Variants in DCBLD2 observed in about 807,000 individuals in gnomAD.
DCBLD2 encodes discoidin, CUB and LCCL domain-containing protein 2.
Under a neutral mutation model 86.8 loss-of-function variants are expected in DCBLD2, and 54 were observed. The ratio of observed to expected loss-of-function variants is 0.62; its 90% CI spans 0.50 to 0.78. DCBLD2 has a LOEUF of 0.78. Ranked by LOEUF, DCBLD2 falls within the 30% of genes least tolerant of loss-of-function variation. DCBLD2 has a pLI of 0.00. For synonymous variants in DCBLD2, 354 were observed against 341.3 expected (o/e 1.04, Z -0.41); for missense variants, 908 against 954.2 (o/e 0.95, Z 0.64).
intron 13 of DCBLD2, among the ~76,000 whole-genome samples, chr3:98,805,488 G>T (rs956510310): frequency 6.6e-6 from 1 of 152,176 alleles, no homozygotes; most frequent in African/African-American, 2.4e-5. Context: ...ACACATAAGT[G>T]ACAAAGCTTC....
Position 98,838,538 on chromosome 3 carries a change from G to T in DCBLD2, c.571+10923C>A, listed in dbSNP as rs1942532230. 4.0e-5 allele frequency among the ~76,000 whole-genome samples: 6 copies of T among 148,316 alleles called. No individual in the cohort carries two copies. In the South Asian group the frequency reaches 1.1e-3, roughly 27 times the overall value. On this transcript the variant is annotated intron_variant, in intron 3 of 15. Transcript: ENST00000326840. The stretch of plus-strand genomic sequence containing the variant: ...ACTTCCTAGATGGGATGGCGGCCGG[G>T]CGGAGACGCTCCTCACTTTCCAGAC...
At chr3:98,822,627 G>C (rs1231320974) in intron 5 of DCBLD2, 42 bp downstream of exon 5, 2 of 1,511,124 alleles carry the variant, frequency 1.3e-6, no homozygotes, top group African/African-American at 2.8e-5. Flanking sequence ...TAAAAAAATA[G>C]AGTTATATCA....
intron 12 of DCBLD2, among the ~76,000 whole-genome samples, 160 bp from the exon 13 acceptor site, chr3:98,808,334 A>G (rs980694281): frequency 3.3e-5 from 5 of 152,234 alleles, no homozygotes; most frequent in African/African-American, 1.2e-4. Flanking sequence ...TGGTAACTGT[A>G]GAAGCTTTTG....
At chr3:98,808,913 A>T (rs559373628) in intron 12 of DCBLD2, among the ~76,000 whole-genome samples, 65 of 152,338 alleles carry the variant, frequency 4.3e-4, no homozygotes, top group Admixed American at 7.2e-4. Flanking sequence ...AAAAATTGGA[A>T]ATAATCCAAA....
intron 2 of DCBLD2, among the ~76,000 whole-genome samples, chr3:98,858,993 G>A (rs1942989563): frequency 6.6e-6 from 1 of 152,212 alleles, no homozygotes. Flanking sequence ...AGGGGTGACA[G>A]ATGGCACCTG....
chr3:98,870,737 A>AAAAGAAAGAAAGAAAGAAAAG (rs1943252211), intron 2 of DCBLD2, among the ~76,000 whole-genome samples: 18 of 69,818 alleles, frequency 2.6e-4, no homozygotes, highest in African/African-American at 9.2e-4. Flanking sequence ...AAAAGAAAGA[A>AAAAGAAAGAAAGAAAGAAAAG]AAAGAAAGAA....
chr3:98,843,937 G>C (rs1288219888), intron 3 of DCBLD2, among the ~76,000 whole-genome samples: 1 of 151,798 alleles, frequency 6.6e-6, no homozygotes, highest in East Asian at 1.9e-4. Flanking sequence ...TTTCGAGTTG[G>C]TGAAATCTAA....
chr3:98,849,169 CAAA>C (rs11328978), intron 3 of DCBLD2, among the ~76,000 whole-genome samples: 4 of 143,272 alleles, frequency 2.8e-5, no homozygotes, highest in African/African-American at 2.6e-5. Context: ...AACTCTGTCT[CAAA>C]AAAAAAAAAA....
intron 3 of DCBLD2, among the ~76,000 whole-genome samples, chr3:98,827,900 T>C (rs983902319): frequency 1.3e-5 from 2 of 152,210 alleles, no homozygotes; most frequent in South Asian, 2.1e-4. Context: ...AGGAACAGAA[T>C]TGAAAATCTA....
intron 1 of DCBLD2, among the ~76,000 whole-genome samples, chr3:98,887,635 G>A (rs1221404868): frequency 1.3e-5 from 2 of 151,770 alleles, no homozygotes; most frequent in African/African-American, 4.8e-5. Flanking sequence ...TTAAATTGTG[G>A]TAAAACATAT....
At position 98,825,308 on chromosome 3, in the gene DCBLD2, A is replaced by T. The variant is rs1321235091; in HGVS notation, c.623+7T>A. The stretch of plus-strand genomic sequence containing the variant: ...AAAAAAAAAAAAAGTCACAAATATA[A>T]TCATACCTGAACTCAGGTTCCAAAA... On this transcript the variant is annotated splice_region_variant and intron_variant, in intron 4 of 15. Transcript: ENST00000326840. 3.3e-6 allele frequency: 5 copies of T among 1,521,432 alleles called. No individual in the cohort carries two copies. The highest frequency in any genetic ancestry group is 2.6e-5 in the Admixed American group (1 of 38,486). The allele number at this position is 1,521,432 out of a possible 1,614,324, so 94.2% of individuals were successfully genotyped here.
At chr3:98,820,731 A>C (rs907488678) in intron 6 of DCBLD2, 3 of 151,558 alleles carry the variant, frequency 2.0e-5, no homozygotes, top group Admixed American at 6.6e-5. Flanking sequence ...TTTTCGGATA[A>C]ACATGAGAAA....
chr3:98,822,911 C>T (rs1576164118), intron 4 of DCBLD2, among the ~76,000 whole-genome samples, 170 bp from the exon 5 acceptor site: 1 of 152,310 alleles, frequency 6.6e-6, no homozygotes, highest in East Asian at 1.9e-4. Context: ...TCACTCTTGT[C>T]GCCCAGGCTG....
At chr3:98,838,545 C>G (rs1023565983) in intron 3 of DCBLD2, among the ~76,000 whole-genome samples, 1 of 146,178 alleles carries the variant, frequency 6.8e-6, no homozygotes, top group Non-Finnish European at 1.5e-5. Flanking sequence ...CGGGCGGAGA[C>G]GCTCCTCACT....
At chr3:98,896,973 C>T (rs1943760965) in intron 1 of DCBLD2, among the ~76,000 whole-genome samples, 1 of 152,154 alleles carries the variant, frequency 6.6e-6, no homozygotes, top group Non-Finnish European at 1.5e-5. Context: ...GCTTCACTTC[C>T]CAGTGTCACT....
At chr3:98,813,001 A>G (rs1195603916) in intron 9 of DCBLD2, 2 of 152,264 alleles carry the variant, frequency 1.3e-5, no homozygotes, top group African/African-American at 4.8e-5. Flanking sequence ...TACTGGATAA[A>G]CTGCATAAAG....
At chr3:98,893,867 G>C (rs1017609407) in intron 1 of DCBLD2, among the ~76,000 whole-genome samples, 9 of 152,284 alleles carry the variant, frequency 5.9e-5, no homozygotes, top group African/African-American at 1.9e-4. Context: ...GCAGGAGTTC[G>C]GCTGTACAAA....
intron 12 of DCBLD2, among the ~76,000 whole-genome samples, chr3:98,810,585 C>A (rs1401606034): frequency 6.6e-6 from 1 of 152,136 alleles, no homozygotes; most frequent in Non-Finnish European, 1.5e-5. Context: ...TTTTCAACAA[C>A]TAGTAAGACT....
At chr3:98,827,878 C>T (rs1942249593) in intron 3 of DCBLD2, among the ~76,000 whole-genome samples, 1 of 152,182 alleles carries the variant, frequency 6.6e-6, no homozygotes, top group Non-Finnish European at 1.5e-5. Flanking sequence ...ATGTATAAGT[C>T]ATCATAATCA....
Sources: allele counts gnomAD v4.1 joint callset (sites outside exome capture counted in the v4.1 genomes callset), GRCh38; gene constraint gnomAD v4.1.1; transcripts MANE v1.5; gene names NCBI Gene and HGNC (gene_info 2026-07-23, HGNC 2026-07-21).